The following GPC5 variants were observed in gnomAD, a reference collection of about 807,000 sequenced individuals.
GPC5 encodes glypican 5.
Under a neutral mutation model 53.9 loss-of-function variants are expected in GPC5, and 47 were observed. The observed-to-expected ratio is 0.87, with a 90% CI of 0.69 to 1.11. The LOEUF (loss-of-function observed/expected upper bound fraction) is 1.11. Among genes scored for constraint, GPC5 ranks in the 50% most tolerant of loss-of-function variants. The pLI is 0.00. For synonymous variants in GPC5, 286 were observed against 263.3 expected (o/e 1.09, Z -0.84); for missense variants, 748 against 713.1 (o/e 1.05, Z -0.56).
chr13:92,806,727 A>C (rs1230638193), intron 7 of GPC5, among the ~76,000 whole-genome samples: 1 of 151,868 alleles, frequency 6.6e-6, no homozygotes, highest in Admixed American at 6.6e-5. Flanking sequence ...TGCACACACG[A>C]CTCTTAATTA....
intron 5 of GPC5, among the ~76,000 whole-genome samples, chr13:91,848,076 G>A (rs2038872485): frequency 6.6e-6 from 1 of 152,174 alleles, no homozygotes. Context: ...CACAGTGATG[G>A]AATGGGCTGC....
At chr13:92,094,426 G>A (rs1193761959) in intron 6 of GPC5, among the ~76,000 whole-genome samples, 3 of 150,902 alleles carry the variant, frequency 2.0e-5, no homozygotes, top group African/African-American at 4.9e-5. Flanking sequence ...TGGCTGAGGC[G>A]GGAAAATGGC....
intron 2 of GPC5, among the ~76,000 whole-genome samples, chr13:91,580,284 C>G (rs2139082824): frequency 6.6e-6 from 1 of 151,968 alleles, no homozygotes; most frequent in South Asian, 2.1e-4. Flanking sequence ...TCTCCTGACC[C>G]TGTGATCTGC....
chr13:92,323,671 G>A (rs756848417), intron 7 of GPC5, among the ~76,000 whole-genome samples: 16 of 151,624 alleles, frequency 1.1e-4, no homozygotes, highest in Admixed American at 3.3e-4. Flanking sequence ...AAGAAAGACC[G>A]AAAATTTTTA....
intron 6 of GPC5, among the ~76,000 whole-genome samples, chr13:92,053,530 G>A (rs918797451): frequency 4.6e-5 from 7 of 151,674 alleles, no homozygotes; most frequent in African/African-American, 9.7e-5. Context: ...TCTCTCTTCC[G>A]TTTTAGATTT....
intron 5 of GPC5, among the ~76,000 whole-genome samples, chr13:91,853,247 G>C (rs555982428): frequency 1.3e-5 from 2 of 152,008 alleles, no homozygotes; most frequent in Non-Finnish European, 2.9e-5. Flanking sequence ...AGTTTTTTGG[G>C]GGGTTTCTCT....
chr13:92,043,001 A>T (rs1236420694), intron 6 of GPC5, among the ~76,000 whole-genome samples: 1 of 152,238 alleles, frequency 6.6e-6, no homozygotes, highest in South Asian at 2.1e-4. Context: ...GGCTGTACAT[A>T]GATTTGGGTA....
chr13:91,481,705 G>A lies in GPC5; in HGVS notation c.325+32783G>A, dbSNP rs537049924. On this transcript the variant is annotated intron_variant, in intron 2 of 7. Transcript: ENST00000377067. ...GGGTAACCTGGGCTCTACAGCTAAAGTGATCTCATAGCACCTAGTTTTTGG... is the reference window on the plus strand; with the variant it reads ...GGGTAACCTGGGCTCTACAGCTAAAATGATCTCATAGCACCTAGTTTTTGG... Among the ~76,000 whole-genome samples, 363 of 152,254 alleles carry A rather than the reference G, an allele frequency of 2.4e-3. 2 individuals carry two copies. Among genetic ancestry groups the A allele is most frequent in the Middle Eastern group, 0.017 (5 of 294 alleles).
intron 7 of GPC5, among the ~76,000 whole-genome samples, chr13:92,538,995 T>C (rs1391424811): frequency 1.5e-5 from 2 of 131,326 alleles, no homozygotes; most frequent in Admixed American, 8.3e-5. Flanking sequence ...ACCATATATA[T>C]ATACTTTATA....
chr13:92,424,370 C>A (rs1876726328), intron 7 of GPC5, among the ~76,000 whole-genome samples: 1 of 151,784 alleles, frequency 6.6e-6, no homozygotes, highest in Non-Finnish European at 1.5e-5. Flanking sequence ...TTAATTTAAT[C>A]CAATTAATAT....
chr13:92,635,266 T>C (rs1885376089), intron 7 of GPC5, among the ~76,000 whole-genome samples: 1 of 152,164 alleles, frequency 6.6e-6, no homozygotes, highest in Non-Finnish European at 1.5e-5. Context: ...CTTGGTTCCC[T>C]CTCTATCCAT....
chr13:91,770,139 A>T (rs2037595158), intron 5 of GPC5, among the ~76,000 whole-genome samples: 1 of 152,132 alleles, frequency 6.6e-6, no homozygotes, highest in Non-Finnish European at 1.5e-5. Flanking sequence ...CTCTTTTATT[A>T]TAAAGGATGC....
chr13:92,366,324 C>T (rs567354108), intron 7 of GPC5, among the ~76,000 whole-genome samples: 30 of 151,672 alleles, frequency 2.0e-4, no homozygotes, highest in Non-Finnish European at 4.1e-4. Flanking sequence ...TGGTCTTGCC[C>T]GGTTCTCTCA....
chr13:92,249,041 T>A (rs540431391), intron 7 of GPC5, among the ~76,000 whole-genome samples: 1 of 152,088 alleles, frequency 6.6e-6, no homozygotes, highest in African/African-American at 2.4e-5. Context: ...AAATTTTTTG[T>A]GGGTATATAG....
intron 5 of GPC5, among the ~76,000 whole-genome samples, chr13:91,837,685 A>G (rs2038737339): frequency 6.6e-6 from 1 of 152,180 alleles, no homozygotes; most frequent in African/African-American, 2.4e-5. Context: ...AATCTATTAC[A>G]TAGTATTTCA....
At chr13:92,128,816 A>G (rs2041720717) in intron 6 of GPC5, among the ~76,000 whole-genome samples, 1 of 152,152 alleles carries the variant, frequency 6.6e-6, no homozygotes, top group African/African-American at 2.4e-5. Context: ...TACAAAAATT[A>G]GCTGTGCGTG....
At chr13:91,769,043 C>T (rs554490649) in intron 5 of GPC5, among the ~76,000 whole-genome samples, 13 of 152,074 alleles carry the variant, frequency 8.5e-5, no homozygotes, top group Non-Finnish European at 1.6e-4. Context: ...CTGAAAGCAA[C>T]TTATTTTAAG....
At chr13:91,884,155 T>C (rs1029720626) in intron 5 of GPC5, among the ~76,000 whole-genome samples, 2 of 152,142 alleles carry the variant, frequency 1.3e-5, no homozygotes, top group Non-Finnish European at 2.9e-5. Flanking sequence ...GGTGGGAGTG[T>C]AAATTAGTTC....
chr13:91,962,210 G>T (rs1054460361), intron 6 of GPC5, among the ~76,000 whole-genome samples: 11 of 152,064 alleles, frequency 7.2e-5, no homozygotes, highest in Non-Finnish European at 1.5e-4. Context: ...GTGTGCTGAA[G>T]AGCTCCTGGG....
Sources: allele counts gnomAD v4.1 joint callset (sites outside exome capture counted in the v4.1 genomes callset), GRCh38; gene constraint gnomAD v4.1.1; transcripts MANE v1.5; gene names NCBI Gene and HGNC (gene_info 2026-07-23, HGNC 2026-07-21).